Variants in ST8SIA2 observed in about 807,000 individuals in gnomAD.
ST8SIA2 encodes alpha-2,8-sialyltransferase 8B.
Under a neutral mutation model 37.6 loss-of-function variants are expected in ST8SIA2, and 22 were observed. The ratio of observed to expected loss-of-function variants is 0.58; its 90% CI spans 0.42 to 0.83. The LOEUF (loss-of-function observed/expected upper bound fraction) is 0.83, where lower values mean the gene tolerates loss of function less well. Ranked by LOEUF, ST8SIA2 falls within the 40% of genes least tolerant of loss-of-function variation. The pLI is 0.00. For missense variants in ST8SIA2, 382 were observed against 484.7 expected (o/e 0.79, Z 1.99); for synonymous variants, 205 against 201.2 (o/e 1.02, Z -0.16).
chr15:92,411,961 G>T (rs931065105), intron 1 of ST8SIA2, among the ~76,000 whole-genome samples: 1 of 152,170 alleles, frequency 6.6e-6, no homozygotes, highest in East Asian at 1.9e-4. Context: ...AGGGAAGTAC[G>T]AGGCAACCAA....
chr15:92,397,035 C>A (rs932895303), intron 1 of ST8SIA2, among the ~76,000 whole-genome samples: 2 of 152,152 alleles, frequency 1.3e-5, no homozygotes, highest in Non-Finnish European at 2.9e-5. Flanking sequence ...AGATGATCTG[C>A]GCGTGTCGGC....
At chr15:92,462,984 G>C (rs933849021) in intron 5 of ST8SIA2, among the ~76,000 whole-genome samples, 7 of 152,204 alleles carry the variant, frequency 4.6e-5, no homozygotes, top group Admixed American at 3.9e-4. Flanking sequence ...TTGGAATGTT[G>C]AGACCTGGAG....
intron 1 of ST8SIA2, among the ~76,000 whole-genome samples, chr15:92,408,486 G>C (rs911351210): frequency 6.6e-6 from 1 of 152,070 alleles, no homozygotes; most frequent in Non-Finnish European, 1.5e-5. Context: ...GGAGAAAGAA[G>C]GGAAGGAAGG....
chr15:92,415,245 G>C (rs963471750), intron 1 of ST8SIA2, among the ~76,000 whole-genome samples: 4 of 151,986 alleles, frequency 2.6e-5, no homozygotes, highest in African/African-American at 9.7e-5. Context: ...ATGCCCCTGG[G>C]TGTTCCTCCT....
At position 92,464,457 on chromosome 15, in the gene ST8SIA2, T is replaced by C; in HGVS notation, c.*72T>C. 1.9e-6 allele frequency: 3 copies of C among 1,564,004 alleles called. No homozygotes were observed. Among genetic ancestry groups the C allele is most frequent in the Non-Finnish European group, 2.6e-6 (3 of 1,136,382 alleles). On this transcript the variant is annotated 3_prime_UTR_variant, in exon 6 of 6. Coordinates refer to ENST00000268164, the MANE Select transcript of ST8SIA2 (RefSeq NM_006011.4). ...CACCACAGGCAGATGGGAGTCGGGG[T>C]GGCACAAACAATAGAACAAGCAGGC...
chr15:92,434,237 T>TC lies in ST8SIA2; in HGVS notation c.162-7dup. On this transcript the variant is annotated splice_polypyrimidine_tract_variant and intron_variant, in intron 2 of 5. Coordinates refer to ENST00000268164, the MANE Select transcript of ST8SIA2 (RefSeq NM_006011.4). ...CATGTCTACCCTCTTTCTTTTTTTT[T>TC]CCCTTCCAGAGCTGAAGTTGTAATA... The TC allele has an allele frequency of 6.2e-7, 1 of 1,614,018 alleles. No homozygotes were observed. The highest frequency in any genetic ancestry group is 1.3e-5 in the African/African-American group (1 of 75,042).
chr15:92,434,180 C>G, intron 2 of ST8SIA2, 67 bp from the exon 3 acceptor site: 1 of 1,607,002 alleles, frequency 6.2e-7, no homozygotes, highest in African/African-American at 1.3e-5. Context: ...AAAAACAAAA[C>G]TATTAGACTT....
chr15:92,412,342 G>T (rs184951950), intron 1 of ST8SIA2, among the ~76,000 whole-genome samples: 56 of 152,232 alleles, frequency 3.7e-4, no homozygotes, highest in African/African-American at 9.6e-4. Flanking sequence ...AATGGCAGAG[G>T]TGGGGAGGGG....
Position 92,462,964 on chromosome 15 carries a change from C to A in ST8SIA2, c.843-1136C>A, listed in dbSNP as rs142932775. On this transcript the variant is annotated intron_variant, in intron 5 of 5. Transcript: ENST00000268164. ...TGTTTTCCCACTTTGGGAGAAAGTT[C>A]TAGATTTTCTTGGAATGTTGAGACC... is the stretch of plus-strand genomic sequence containing the variant. Among the ~76,000 whole-genome samples, 294 of 152,324 alleles carry A rather than the reference C, an allele frequency of 1.9e-3. 1 individual carries two copies. Among genetic ancestry groups the A allele is most frequent in the Non-Finnish European group, 3.4e-3 (230 of 68,026 alleles).
intron 5 of ST8SIA2, among the ~76,000 whole-genome samples, chr15:92,454,502 T>C (rs1272493059): frequency 6.6e-6 from 1 of 152,152 alleles, no homozygotes; most frequent in African/African-American, 2.4e-5. Flanking sequence ...CTGGGTTAGA[T>C]GGCCTCCCTT....
chr15:92,395,721 G>A (rs2049425940), intron 1 of ST8SIA2, among the ~76,000 whole-genome samples: 2 of 152,202 alleles, frequency 1.3e-5, no homozygotes, highest in Non-Finnish European at 1.5e-5. Context: ...AAGATGCGGT[G>A]AGGAGGGCCT....
chr15:92,445,224 A>T (rs1309131463), intron 5 of ST8SIA2: 6 of 508,622 alleles, frequency 1.2e-5, no homozygotes, highest in Non-Finnish European at 2.2e-5. Flanking sequence ...AACAGACGCC[A>T]TGAACATGGG....
Position 92,434,251 on chromosome 15 carries a change from G to T in ST8SIA2, c.166G>T (p.Glu56Ter). Residue 56 changes from glutamate (E) to a stop codon, truncating the protein, a stop_gained, in exon 3 of 6, where the codon GAA becomes TAA. Coordinates refer to ENST00000268164, the MANE Select transcript of ST8SIA2 (RefSeq NM_006011.4). LOFTEE classifies it high-confidence loss of function. ...NSLHSKSNRA[E>*]VVINGSSSPA... ...TTCTTTTTTTTTCCCTTCCAGAGCT[G>T]AAGTTGTAATAAACGGCTCCTCATC... 1 of 1,613,938 alleles carries T rather than the reference G, an allele frequency of 6.2e-7. No individual in the cohort carries two copies. Among genetic ancestry groups the T allele is most frequent in the Non-Finnish European group, 8.5e-7 (1 of 1,179,978 alleles).
intron 1 of ST8SIA2, among the ~76,000 whole-genome samples, chr15:92,425,901 G>A (rs566803946): frequency 3.9e-5 from 6 of 152,298 alleles, no homozygotes; most frequent in South Asian, 2.1e-4. Flanking sequence ...TGACAGGAGC[G>A]TTCCCAGGAA....
chr15:92,423,798 T>C (rs1191335305), intron 1 of ST8SIA2, among the ~76,000 whole-genome samples: 2 of 152,236 alleles, frequency 1.3e-5, no homozygotes, highest in East Asian at 1.9e-4. Flanking sequence ...TATTCGACCA[T>C]AAATTTTGAA....
chr15:92,427,439 C>G (rs1025691223), intron 1 of ST8SIA2, among the ~76,000 whole-genome samples: 1 of 152,078 alleles, frequency 6.6e-6, no homozygotes, highest in Non-Finnish European at 1.5e-5. Context: ...GTATCCTCAT[C>G]CAGAGCCACC....
Position 92,393,997 on chromosome 15 carries a change from GC to G in ST8SIA2, c.-66del. 2 of 1,225,716 alleles carry G rather than the reference GC, an allele frequency of 1.6e-6. No homozygotes were observed. Among genetic ancestry groups the G allele is most frequent in the Non-Finnish European group, 2.2e-6 (2 of 924,452 alleles). 75.9% of individuals were successfully genotyped at this position (1,225,716 alleles called of 1,614,324 possible). ...GCGGCGCGCGGAGGCTCCGGCGTCC[GC>G]CGCTGCGCCCTCCGGCCCCTGCTCC... On this transcript the variant is annotated 5_prime_UTR_variant, in exon 1 of 6. Coordinates refer to ENST00000268164, the MANE Select transcript of ST8SIA2 (RefSeq NM_006011.4).
chr15:92,400,430 T>A (rs2049461835), intron 1 of ST8SIA2, among the ~76,000 whole-genome samples: 1 of 152,228 alleles, frequency 6.6e-6, no homozygotes, highest in Admixed American at 6.5e-5. Context: ...CTCCCAAAAG[T>A]ACATACTATT....
At chr15:92,442,023 C>T (rs1162022233) in intron 4 of ST8SIA2, among the ~76,000 whole-genome samples, 3 of 152,188 alleles carry the variant, frequency 2.0e-5, no homozygotes, top group Admixed American at 6.5e-5. Flanking sequence ...ATTCAGAAGT[C>T]ACTTTGGGAG....
Sources: gnomAD v4.1 joint callset for allele counts (sites outside exome capture counted in the v4.1 genomes callset) on GRCh38, gnomAD v4.1.1 for gene constraint, MANE v1.5 for transcripts, NCBI Gene and HGNC (gene_info 2026-07-23, HGNC 2026-07-21) for gene names.